The following CDC42EP3 variants were observed in gnomAD, a reference collection of about 807,000 sequenced individuals.
CDC42EP3 encodes CDC42 effector protein 3, also known as CDC42 effector protein (Rho GTPase binding) 3.
Under a neutral mutation model 15.5 loss-of-function variants are expected in CDC42EP3, and 4 were observed. The observed-to-expected ratio is 0.26, with a 90% CI of 0.13 to 0.59. CDC42EP3 has a LOEUF of 0.59. CDC42EP3 is among the 20% of genes least tolerant of loss of function. The probability of loss-of-function intolerance (pLI) is 0.89; values close to 1 mark genes in which losing one functional copy is unlikely to be tolerated. For missense variants in CDC42EP3, 309 were observed against 311.2 expected (o/e 0.99, Z 0.05); for synonymous variants, 145 against 130.3 (o/e 1.11, Z -0.77).
intron 1 of CDC42EP3, among the ~76,000 whole-genome samples, chr2:37,660,854 T>C (rs1233852838): frequency 6.6e-6 from 1 of 151,560 alleles, no homozygotes; most frequent in Non-Finnish European, 1.5e-5. Context: ...CTGGAGGGTG[T>C]AGGGTTAGGG....
intron 1 of CDC42EP3, among the ~76,000 whole-genome samples, chr2:37,658,481 C>T (rs1247877721): frequency 6.6e-6 from 1 of 152,154 alleles, no homozygotes; most frequent in Non-Finnish European, 1.5e-5. Context: ...GTTTGAAAAG[C>T]ATTGATTGGC....
At chr2:37,662,216 A>G (rs1666078118) in intron 1 of CDC42EP3, among the ~76,000 whole-genome samples, 1 of 152,186 alleles carries the variant, frequency 6.6e-6, no homozygotes. Flanking sequence ...TGAGCCATGT[A>G]GTGACTCCCT....
intron 1 of CDC42EP3, among the ~76,000 whole-genome samples, chr2:37,669,970 T>C (rs578168570): frequency 1.3e-5 from 2 of 152,338 alleles, no homozygotes; most frequent in African/African-American, 4.8e-5. Context: ...CATACCTGTG[T>C]AGCTTATTAA....
At position 37,646,489 on chromosome 2, in the gene CDC42EP3, G is replaced by A; in HGVS notation, c.99C>T (p.Pro33=). 1 of 1,613,680 alleles carries A rather than the reference G, an allele frequency of 6.2e-7. No homozygotes were observed. Among genetic ancestry groups the A allele is most frequent in the Non-Finnish European group, 8.5e-7 (1 of 1,179,862 alleles). ...RDILSPDMIS[P]PLGDFRHTIH... ...TGGTGTGGCGAAAGTCTCCAAGCGG[G>A]GGACTGATCATATCAGGAGACAGAA... The change falls in exon 2 of 2, where the codon CCC becomes CCT. Residue 33 remains proline (P), a synonymous_variant. Coordinates refer to ENST00000295324, the MANE Select transcript of CDC42EP3 (RefSeq NM_006449.5).
At chr2:37,667,579 C>T (rs1042203129) in intron 1 of CDC42EP3, among the ~76,000 whole-genome samples, 6 of 152,334 alleles carry the variant, frequency 3.9e-5, no homozygotes, top group Non-Finnish European at 8.8e-5. Context: ...ATAAATTAAA[C>T]TGCTTATGTT....
At chr2:37,666,866 A>G (rs1666266825) in intron 1 of CDC42EP3, among the ~76,000 whole-genome samples, 1 of 151,476 alleles carries the variant, frequency 6.6e-6, no homozygotes, top group South Asian at 2.1e-4. Context: ...TTAGAACTAC[A>G]TGGCTACTTA....
At chr2:37,651,035 C>T (rs769487948) in intron 1 of CDC42EP3, among the ~76,000 whole-genome samples, 4 of 152,060 alleles carry the variant, frequency 2.6e-5, no homozygotes, top group Non-Finnish European at 5.9e-5. Context: ...TTCAGTTAAG[C>T]GTATCCTTCC....
intron 1 of CDC42EP3, among the ~76,000 whole-genome samples, chr2:37,651,567 A>T (rs1346291647): frequency 6.6e-6 from 1 of 152,240 alleles, no homozygotes; most frequent in Non-Finnish European, 1.5e-5. Flanking sequence ...GGGACAGATC[A>T]CTTTTTGCTT....
Position 37,646,703 on chromosome 2 carries a change from G to T in CDC42EP3, c.-116C>A. On this transcript the variant is annotated 5_prime_UTR_variant, in exon 2 of 2. Transcript: ENST00000295324. Reference sequence around the variant, plus strand: ...ACTGTCACATCATTTTTCTCAAGTGGCTTCAGAAGTGGCTTCGAAATGAGA... The same window carrying T: ...ACTGTCACATCATTTTTCTCAAGTGTCTTCAGAAGTGGCTTCGAAATGAGA... 1 of 1,066,740 alleles carries T rather than the reference G, an allele frequency of 9.4e-7. No individual in the cohort carries two copies. Among genetic ancestry groups the T allele is most frequent in the Non-Finnish European group, 1.4e-6 (1 of 736,898 alleles). 66.1% of individuals were successfully genotyped at this position (1,066,740 alleles called of 1,614,324 possible).
rs1449021560 is a variant in CDC42EP3 at position 37,646,489 on chromosome 2, G to T, written c.99C>A (p.Pro33=). The T allele has an allele frequency of 6.2e-7, 1 of 1,613,562 alleles. No individual in the cohort carries two copies. The highest frequency in any genetic ancestry group is 1.3e-5 in the African/African-American group (1 of 74,848). The change falls in exon 2 of 2, where the codon CCC becomes CCA. Residue 33 remains proline (P), a synonymous_variant. Coordinates refer to ENST00000295324, the MANE Select transcript of CDC42EP3 (RefSeq NM_006449.5). ...TGGTGTGGCGAAAGTCTCCAAGCGGGGGACTGATCATATCAGGAGACAGAA... is the reference window on the plus strand; with the variant it reads ...TGGTGTGGCGAAAGTCTCCAAGCGGTGGACTGATCATATCAGGAGACAGAA... ...RDILSPDMIS[P]PLGDFRHTIH... is the part of the protein sequence containing the mutation.
chr2:37,646,864 T>C (rs977428739), intron 1 of CDC42EP3, 42 bp from the exon 2 acceptor site: 7 of 273,326 alleles, frequency 2.6e-5, no homozygotes, highest in Middle Eastern at 1.1e-3. Flanking sequence ...AAAGACCCTT[T>C]TGGGTGCCCT....
At chr2:37,647,918 G>C (rs1466930112) in intron 1 of CDC42EP3, among the ~76,000 whole-genome samples, 2 of 152,134 alleles carry the variant, frequency 1.3e-5, no homozygotes, top group East Asian at 3.9e-4. Context: ...CCTCTGATGA[G>C]ACCACCACCC....
chr2:37,662,084 GA>G (rs11314456), intron 1 of CDC42EP3, among the ~76,000 whole-genome samples: 7,530 of 141,684 alleles, frequency 0.053, 482 homozygotes, highest in African/African-American at 0.16. Flanking sequence ...TTCCAAAAAA[GA>G]AAAAAAAAAA....
chr2:37,653,462 T>C (rs1315450270), intron 1 of CDC42EP3, among the ~76,000 whole-genome samples: 2 of 152,188 alleles, frequency 1.3e-5, no homozygotes, highest in African/African-American at 4.8e-5. Context: ...AATAATTTGG[T>C]TAAGAAAAAA....
At chr2:37,662,873 A>C (rs766511761) in intron 1 of CDC42EP3, among the ~76,000 whole-genome samples, 7 of 152,212 alleles carry the variant, frequency 4.6e-5, no homozygotes, top group Non-Finnish European at 8.8e-5. Context: ...AGCTTTAGAA[A>C]GCCTTTCACA....
upstream of CDC42EP3, chr2:37,671,744 CG>C (rs1248698427): frequency 1.3e-5 from 2 of 150,402 alleles, no homozygotes; most frequent in Non-Finnish European, 3.0e-5. Flanking sequence ...GCGGAGGGCG[CG>C]GGCAGCGGGG....
At chr2:37,664,541 A>G (rs906899359) in intron 1 of CDC42EP3, among the ~76,000 whole-genome samples, 3 of 151,782 alleles carry the variant, frequency 2.0e-5, no homozygotes, top group Non-Finnish European at 4.4e-5. Flanking sequence ...TTGTCCCTCT[A>G]GAGAACCCTG....
At chr2:37,664,420 T>C (rs1666187014) in intron 1 of CDC42EP3, among the ~76,000 whole-genome samples, 2 of 152,200 alleles carry the variant, frequency 1.3e-5, no homozygotes, top group African/African-American at 4.8e-5. Context: ...TTGGACTAAC[T>C]TCCTTGTTCC....
intron 1 of CDC42EP3, among the ~76,000 whole-genome samples, chr2:37,665,360 A>C (rs1666218314): frequency 6.7e-6 from 1 of 149,630 alleles, no homozygotes. Context: ...AGAGAAGGGG[A>C]AGGATTTGTT....
Sources: allele counts gnomAD v4.1 joint callset (sites outside exome capture counted in the v4.1 genomes callset), GRCh38; gene constraint gnomAD v4.1.1; transcripts MANE v1.5; gene names NCBI Gene and HGNC (gene_info 2026-07-23, HGNC 2026-07-21).